The following PDE4D variants were observed in gnomAD, a reference collection of about 807,000 sequenced individuals.
PDE4D encodes phosphodiesterase 4D, also known as 3',5'-cyclic-AMP phosphodiesterase 4D.
In PDE4D, 24 loss-of-function variants were observed where a neutral mutation model predicts 87.4. That is an observed-to-expected ratio of 0.27 (90% CI 0.20 to 0.39). The LOEUF is 0.39. Among genes scored for constraint, PDE4D ranks in the 10% least tolerant of loss-of-function variants. The probability of loss-of-function intolerance (pLI) is 1.00; values close to 1 mark genes in which losing one functional copy is unlikely to be tolerated. For synonymous variants in PDE4D, 384 were observed against 383.2 expected (o/e 1.00, Z -0.02); for missense variants, 714 against 1,041.0 (o/e 0.69, Z 4.32).
chr5:60,367,435 G>C (rs1309945252), intron 1 of PDE4D, among the ~76,000 whole-genome samples: 3 of 143,510 alleles, frequency 2.1e-5, no homozygotes, highest in Non-Finnish European at 4.5e-5. Flanking sequence ...TGGACAACAA[G>C]AGCGAAACTC....
chr5:59,544,756 T>C (rs56383854), intron 1 of PDE4D, among the ~76,000 whole-genome samples: 2,639 of 152,278 alleles, frequency 0.017, 75 homozygotes, highest in African/African-American at 0.059. Context: ...TTTACAAATG[T>C]CATATGTAGT....
intron 1 of PDE4D, among the ~76,000 whole-genome samples, chr5:59,526,106 A>C (rs1813078775): frequency 6.6e-6 from 1 of 152,212 alleles, no homozygotes; most frequent in African/African-American, 2.4e-5. Context: ...TGTGATGCAC[A>C]ATGGAGCAAT....
chr5:60,454,155 C>T (rs55737169), intron 1 of PDE4D, among the ~76,000 whole-genome samples: 23,103 of 152,054 alleles, frequency 0.15, 2,548 homozygotes, highest in African/African-American at 0.3. Context: ...CTGTATGACT[C>T]TCTAGCTCTT....
chr5:59,664,074 A>C (rs753694617), intron 1 of PDE4D, among the ~76,000 whole-genome samples: 6 of 152,174 alleles, frequency 3.9e-5, no homozygotes, highest in Admixed American at 1.3e-4. Context: ...TATTGACAAG[A>C]AATTTATAGA....
At chr5:59,946,962 C>T (rs1757785029) in intron 3 of PDE4D, among the ~76,000 whole-genome samples, 1 of 152,096 alleles carries the variant, frequency 6.6e-6, no homozygotes, top group Non-Finnish European at 1.5e-5. Context: ...TCCTTGTTTG[C>T]TCTTTCTCTT....
intron 2 of PDE4D, among the ~76,000 whole-genome samples, chr5:59,211,135 TA>T (rs1749984802): frequency 6.6e-6 from 1 of 152,218 alleles, no homozygotes; most frequent in African/African-American, 2.4e-5. Flanking sequence ...TCTACTGTTA[TA>T]AAAAATTTTT....
rs185766952 is a variant in PDE4D at position 58,972,281 on chromosome 5, C to T, written c.*2383G>A. ...GTTCCCAAATATTCTTGTGAAACTA[C>T]TTGGTCAAACATACGTCTTTATTTT... On this transcript the variant is annotated 3_prime_UTR_variant, in exon 15 of 15. Transcript: ENST00000340635. 5.9e-5 allele frequency: 9 copies of T among 152,656 alleles called. No homozygotes were observed. The highest frequency in any genetic ancestry group is 1.3e-4 in the Non-Finnish European group (9 of 68,000). 9.5% of individuals were successfully genotyped at this position (152,656 alleles called of 1,614,324 possible). A position where few individuals can be genotyped will look rare whatever the true frequency, so the allele number is the denominator to read the frequency against.
chr5:59,687,823 C>G (rs1201728934), intron 1 of PDE4D, among the ~76,000 whole-genome samples: 1 of 152,048 alleles, frequency 6.6e-6, no homozygotes, highest in Non-Finnish European at 1.5e-5. Flanking sequence ...TCAGGAGACC[C>G]ATCTCACGTG....
At chr5:59,039,200 G>A in intron 5 of PDE4D, 1 of 1,306,648 alleles carries the variant, frequency 7.7e-7, no homozygotes, top group Non-Finnish European at 9.7e-7. Context: ...TGGCGTCTCG[G>A]GTCGGCCTCC....
At chr5:59,924,434 A>G (rs557476278) in intron 3 of PDE4D, among the ~76,000 whole-genome samples, 1 of 152,332 alleles carries the variant, frequency 6.6e-6, no homozygotes, top group East Asian at 1.9e-4. Flanking sequence ...AAGGCATTTA[A>G]TAATCAAACT....
At chr5:59,694,291 T>C (rs944387210) in intron 1 of PDE4D, among the ~76,000 whole-genome samples, 8 of 152,180 alleles carry the variant, frequency 5.3e-5, no homozygotes, top group African/African-American at 1.9e-4. Flanking sequence ...AAGAATGAGT[T>C]ATACACCAGG....
intron 1 of PDE4D, among the ~76,000 whole-genome samples, chr5:59,511,972 G>T (rs999432907): frequency 2.0e-5 from 3 of 152,150 alleles, no homozygotes; most frequent in African/African-American, 7.2e-5. Context: ...GTCTGAAGTG[G>T]GTTCAAAGAT....
chr5:59,530,322 C>T (rs1398153444), intron 1 of PDE4D, among the ~76,000 whole-genome samples: 1 of 151,978 alleles, frequency 6.6e-6, no homozygotes, highest in Non-Finnish European at 1.5e-5. Context: ...TAAGAGGATA[C>T]AAACCCATGA....
chr5:60,053,750 A>G (rs1406459191), intron 2 of PDE4D, among the ~76,000 whole-genome samples: 1 of 152,214 alleles, frequency 6.6e-6, no homozygotes, highest in African/African-American at 2.4e-5. Flanking sequence ...TGAACAGGCA[A>G]ACTACAGAAT....
chr5:59,351,511 G>C (rs907690905), intron 1 of PDE4D, among the ~76,000 whole-genome samples: 1 of 152,120 alleles, frequency 6.6e-6, no homozygotes, highest in South Asian at 2.1e-4. Flanking sequence ...CGAGCTCAGA[G>C]AATCTTCTGG....
At chr5:59,398,819 T>C (rs1790009031) in intron 1 of PDE4D, among the ~76,000 whole-genome samples, 1 of 121,662 alleles carries the variant, frequency 8.2e-6, no homozygotes, top group Non-Finnish European at 1.7e-5. Context: ...CATGATTGTA[T>C]ATCTAGAAAA....
chr5:59,126,164 A>G (rs78423157), intron 5 of PDE4D, among the ~76,000 whole-genome samples: 8,654 of 151,678 alleles, frequency 0.057, 319 homozygotes, highest in East Asian at 0.13. Context: ...GAAGGGAAGA[A>G]GGAAGGAAGG....
At chr5:60,461,199 T>C (rs552459187) in intron 1 of PDE4D, among the ~76,000 whole-genome samples, 43 of 152,300 alleles carry the variant, frequency 2.8e-4, no homozygotes, top group African/African-American at 1.0e-3. Context: ...CATATGCTTA[T>C]GATGGGTGAC....
intron 2 of PDE4D, among the ~76,000 whole-genome samples, chr5:60,047,962 G>A (rs1375187257): frequency 6.6e-6 from 1 of 152,086 alleles, no homozygotes; most frequent in Non-Finnish European, 1.5e-5. Context: ...GTTGACAGTG[G>A]GGTGTTAAAG....
Sources: gnomAD v4.1 joint callset for allele counts (sites outside exome capture counted in the v4.1 genomes callset) on GRCh38, gnomAD v4.1.1 for gene constraint, MANE v1.5 for transcripts, NCBI Gene and HGNC (gene_info 2026-07-23, HGNC 2026-07-21) for gene names.